SEMA5A: variants seen among roughly 807,000 people sequenced by gnomAD.
The protein encoded by SEMA5A is semaphorin 5A, also known as semaphorin-5A.
A neutral mutation model predicts 135.5 loss-of-function variants in SEMA5A; 55 were observed. The observed-to-expected ratio is 0.41, with a 90% CI of 0.33 to 0.51. The LOEUF is 0.51. Among genes scored for constraint, SEMA5A ranks in the 20% least tolerant of loss-of-function variants. The pLI is 0.37. For missense variants in SEMA5A, 1,290 were observed against 1,419.9 expected (o/e 0.91, Z 1.47); for synonymous variants, 580 against 546.5 (o/e 1.06, Z -0.85).
chr5:9,434,565 CTT>C (rs1757966986), intron 2 of SEMA5A, among the ~76,000 whole-genome samples: 1 of 151,860 alleles, frequency 6.6e-6, no homozygotes, highest in Admixed American at 6.6e-5. Context: ...TTCTAGGAGA[CTT>C]TATAATACAC....
At chr5:9,054,785 C>T (rs1736799793) in intron 18 of SEMA5A, among the ~76,000 whole-genome samples, 1 of 152,142 alleles carries the variant, frequency 6.6e-6, no homozygotes, top group South Asian at 2.1e-4. Flanking sequence ...GCTAACACGT[C>T]CCATGAGGAA....
At position 9,391,544 on chromosome 5, in the gene SEMA5A, G is replaced by A. The variant is rs1353368134; in HGVS notation, c.-77-11521C>T. Among the ~76,000 whole-genome samples, 4 of 152,190 alleles carry A rather than the reference G, an allele frequency of 2.6e-5. No individual in the cohort carries two copies. The East Asian group carries it at 5.8e-4, about 22-fold the overall frequency. Reference sequence around the variant, plus strand: ...TCCTGGCTGAGTCTTCGCCATCACAGCTGGAGTCATTTTGGATTGCTCTAA... The same window carrying A: ...TCCTGGCTGAGTCTTCGCCATCACAACTGGAGTCATTTTGGATTGCTCTAA... On this transcript the variant is annotated intron_variant, in intron 2 of 22. Coordinates refer to ENST00000382496, the MANE Select transcript of SEMA5A (RefSeq NM_003966.3).
At chr5:9,276,258 T>G (rs1333458405) in intron 5 of SEMA5A, among the ~76,000 whole-genome samples, 1 of 152,166 alleles carries the variant, frequency 6.6e-6, no homozygotes, top group African/African-American at 2.4e-5. Context: ...ACAATGGATG[T>G]GAAGGGCCTC....
At chr5:9,323,863 T>C (rs1190238090) in intron 4 of SEMA5A, among the ~76,000 whole-genome samples, 1 of 151,492 alleles carries the variant, frequency 6.6e-6, no homozygotes, top group African/African-American at 2.4e-5. Flanking sequence ...GGTTTCACCA[T>C]GTTAGCCAGG....
chr5:9,167,172 A>T (rs1369723394), intron 11 of SEMA5A, among the ~76,000 whole-genome samples: 1 of 152,202 alleles, frequency 6.6e-6, no homozygotes. Flanking sequence ...ACATTACACC[A>T]ATTACGACTA....
intron 16 of SEMA5A, among the ~76,000 whole-genome samples, chr5:9,092,259 G>C (rs1159745476): frequency 6.6e-6 from 1 of 152,216 alleles, no homozygotes. Context: ...GACTGTATTT[G>C]TCGAATGCAC....
intron 5 of SEMA5A, among the ~76,000 whole-genome samples, chr5:9,272,795 C>T (rs888299299): frequency 2.0e-5 from 3 of 152,144 alleles, no homozygotes; most frequent in African/African-American, 7.2e-5. Context: ...GGAACACTAA[C>T]AAACAAAGGA....
intron 5 of SEMA5A, among the ~76,000 whole-genome samples, chr5:9,269,931 A>G (rs937349403): frequency 8.5e-5 from 13 of 152,096 alleles, no homozygotes; most frequent in Non-Finnish European, 1.9e-4. Context: ...TGAGACTGTC[A>G]TCCTAGAAGG....
chr5:9,399,821 C>T (rs1756569916), intron 2 of SEMA5A, among the ~76,000 whole-genome samples: 1 of 151,970 alleles, frequency 6.6e-6, no homozygotes, highest in African/African-American at 2.4e-5. Flanking sequence ...ATAGCGGTGA[C>T]TATGGGAGTC....
At chr5:9,398,736 A>C (rs144506091) in intron 2 of SEMA5A, among the ~76,000 whole-genome samples, 3,245 of 152,334 alleles carry the variant, frequency 0.021, 50 homozygotes, top group Non-Finnish European at 0.032. Context: ...CTTTGGAAAA[A>C]ACTATGAGAG....
chr5:9,129,655 G>T, intron 13 of SEMA5A, among the ~76,000 whole-genome samples: 1 of 152,110 alleles, frequency 6.6e-6, no homozygotes, highest in South Asian at 2.1e-4. Context: ...CTGTAGTTGT[G>T]CTATCTTCCA....
chr5:9,488,743 A>T (rs1305418552), intron 1 of SEMA5A, among the ~76,000 whole-genome samples: 8 of 152,166 alleles, frequency 5.3e-5, no homozygotes, highest in Admixed American at 5.2e-4. Flanking sequence ...AAATTTTCCC[A>T]TTTGGAGTCT....
At chr5:9,379,160 G>C (rs1377296363) in intron 3 of SEMA5A, among the ~76,000 whole-genome samples, 2 of 152,042 alleles carry the variant, frequency 1.3e-5, no homozygotes, top group East Asian at 3.9e-4. Context: ...AAAACCACTT[G>C]TTGCATGAAT....
At chr5:9,540,197 A>C (rs1738003598) in intron 1 of SEMA5A, among the ~76,000 whole-genome samples, 2 of 152,202 alleles carry the variant, frequency 1.3e-5, no homozygotes, top group African/African-American at 4.8e-5. Flanking sequence ...TGGGCAACAC[A>C]GCTGCGAACA....
intron 6 of SEMA5A, among the ~76,000 whole-genome samples, chr5:9,230,158 C>CTTTTTTTTTTTTTTTTTTTTT (rs5865817): frequency 1.0e-5 from 1 of 98,286 alleles, no homozygotes; most frequent in Non-Finnish European, 2.0e-5. Flanking sequence ...CTATTTTTTT[C>CTTTTTTTTTTTTTTTTTTTTT]TTTTTTTTTT....
intron 15 of SEMA5A, among the ~76,000 whole-genome samples, chr5:9,113,408 G>A (rs1271958538): frequency 6.6e-6 from 1 of 152,088 alleles, no homozygotes; most frequent in Non-Finnish European, 1.5e-5. Flanking sequence ...AGGGTTTAGA[G>A]GAAAATGGGA....
At chr5:9,199,744 A>G (rs959426891) in intron 9 of SEMA5A, among the ~76,000 whole-genome samples, 1 of 152,224 alleles carries the variant, frequency 6.6e-6, no homozygotes, top group Admixed American at 6.5e-5. Context: ...ACAGTTTACT[A>G]TCTACACTAT....
intron 16 of SEMA5A, among the ~76,000 whole-genome samples, chr5:9,103,056 A>G (rs1016710256): frequency 2.0e-5 from 3 of 152,188 alleles, no homozygotes; most frequent in Admixed American, 6.5e-5. Context: ...GATCTTTCCC[A>G]TTAATCTCAC....
At position 9,341,664 on chromosome 5, in the gene SEMA5A, ATAATATATAT is replaced by A. The variant is rs1014210754; in HGVS notation, c.125-3862_125-3853del. Reference sequence around the variant, plus strand: ...ATATGACTATATATATATAATATATATAATATATATTATATATATATAAAATTGGAAGTTA... The same window carrying A: ...ATATGACTATATATATATAATATATATATATATATATAAAATTGGAAGTTA... On this transcript the variant is annotated intron_variant, in intron 3 of 22. Coordinates refer to ENST00000382496, the MANE Select transcript of SEMA5A (RefSeq NM_003966.3). Among the ~76,000 whole-genome samples the A allele has an allele frequency of 9.5e-4, 74 of 78,092 alleles. No homozygotes were observed. In the East Asian group the frequency reaches 0.019, roughly 20 times the overall value. The allele number at this position is 78,092 out of a possible 152,430, so 51.2% of individuals were successfully genotyped here. A position where few individuals can be genotyped will look rare whatever the true frequency, so the allele number is the denominator to read the frequency against.
Sources: gnomAD v4.1 joint callset for allele counts (sites outside exome capture counted in the v4.1 genomes callset) on GRCh38, gnomAD v4.1.1 for gene constraint, MANE v1.5 for transcripts, NCBI Gene and HGNC (gene_info 2026-07-23, HGNC 2026-07-21) for gene names.